The following RPS6KA5 variants were observed in gnomAD, a reference collection of about 807,000 sequenced individuals.
RPS6KA5 encodes ribosomal protein S6 kinase A5.
In RPS6KA5, 27 loss-of-function variants were observed where a neutral mutation model predicts 85.5. The ratio of observed to expected loss-of-function variants is 0.32; its 90% CI spans 0.23 to 0.44. The LOEUF is 0.44. Among genes scored for constraint, RPS6KA5 ranks in the 20% least tolerant of loss-of-function variants. The pLI is 1.00. For synonymous variants in RPS6KA5, 334 were observed against 348.2 expected (o/e 0.96, Z 0.46); for missense variants, 811 against 980.9 (o/e 0.83, Z 2.31).
At position 91,003,899 on chromosome 14, in the gene RPS6KA5, G is replaced by T. The variant is rs571488327; in HGVS notation, c.104-2740C>A. Among the ~76,000 whole-genome samples, 3 of 152,246 alleles carry T rather than the reference G, an allele frequency of 2.0e-5. No individual in the cohort carries two copies. The South Asian group carries it at 6.2e-4, about 32-fold the overall frequency. On this transcript the variant is annotated intron_variant, in intron 1 of 16. Coordinates refer to ENST00000614987, the MANE Select transcript of RPS6KA5 (RefSeq NM_004755.4). The stretch of plus-strand genomic sequence containing the variant: ...CTTGGAATTTTCTTGCTTAAGAATG[G>T]CAAGATTCCAGTAAACAATCTTAAA...
At chr14:91,040,382 T>C (rs956014458) in intron 1 of RPS6KA5, among the ~76,000 whole-genome samples, 5 of 152,162 alleles carry the variant, frequency 3.3e-5, no homozygotes, top group African/African-American at 1.2e-4. Context: ...CACTCCAGCC[T>C]GGGCAACAAG....
chr14:90,993,365 A>C (rs773229752), intron 2 of RPS6KA5, among the ~76,000 whole-genome samples: 1 of 152,162 alleles, frequency 6.6e-6, no homozygotes, highest in Non-Finnish European at 1.5e-5. Context: ...ACTTGAACCC[A>C]GGAGGCGGAG....
intron 8 of RPS6KA5, 54 bp downstream of exon 8, chr14:90,906,095 G>A (rs1219257683): frequency 6.7e-7 from 1 of 1,490,518 alleles, no homozygotes; most frequent in Non-Finnish European, 9.1e-7. Context: ...AGAACGCCAA[G>A]GACCCTGAAA....
intron 5 of RPS6KA5, among the ~76,000 whole-genome samples, chr14:90,924,006 A>G (rs1713880581): frequency 6.6e-6 from 1 of 152,138 alleles, no homozygotes; most frequent in African/African-American, 2.4e-5. Flanking sequence ...ACCTTTTCCA[A>G]GTAATTTTTG....
intron 1 of RPS6KA5, among the ~76,000 whole-genome samples, chr14:91,038,065 T>C (rs2042470457): frequency 1.3e-5 from 2 of 152,182 alleles, no homozygotes; most frequent in African/African-American, 4.8e-5. Flanking sequence ...AAGAAATCCA[T>C]CTCTATGTGA....
chr14:91,038,611 C>A (rs2042488018), intron 1 of RPS6KA5, among the ~76,000 whole-genome samples: 1 of 152,200 alleles, frequency 6.6e-6, no homozygotes, highest in African/African-American at 2.4e-5. Context: ...GAAGGAGCCG[C>A]AGACCTGGCT....
intron 3 of RPS6KA5, among the ~76,000 whole-genome samples, chr14:90,977,257 A>G (rs554420838): frequency 6.6e-6 from 1 of 152,360 alleles, no homozygotes; most frequent in South Asian, 2.1e-4. Context: ...AGAGAGTTAT[A>G]TCACATACAT....
At chr14:90,910,793 C>G (rs2035777668) in intron 7 of RPS6KA5, among the ~76,000 whole-genome samples, 1 of 152,006 alleles carries the variant, frequency 6.6e-6, no homozygotes, top group East Asian at 1.9e-4. Context: ...TCACGCCATC[C>G]TCCTGCCTCA....
chr14:91,017,349 C>A lies in RPS6KA5; in HGVS notation c.104-16190G>T, dbSNP rs1177566288. ...GCACACAATATTTCTGTCACAACTA[C>A]CATCCATGGTATTACAAAAAGCCTT... On this transcript the variant is annotated intron_variant, in intron 1 of 16. Transcript: ENST00000614987. Among the ~76,000 whole-genome samples, 7 of 152,294 alleles carry A rather than the reference C, an allele frequency of 4.6e-5. No homozygotes were observed. In the East Asian group the frequency reaches 1.3e-3, roughly 29 times the overall value.
At chr14:90,995,819 C>T (rs1441472907) in intron 2 of RPS6KA5, among the ~76,000 whole-genome samples, 1 of 152,128 alleles carries the variant, frequency 6.6e-6, no homozygotes, top group South Asian at 2.1e-4. Flanking sequence ...GTGACTCATG[C>T]CTGTAATCCC....
intron 2 of RPS6KA5, among the ~76,000 whole-genome samples, chr14:90,995,220 G>A (rs796596044): frequency 1.4e-4 from 21 of 151,692 alleles, no homozygotes; most frequent in African/African-American, 5.1e-4. Flanking sequence ...GAGATGGGGT[G>A]TTCCCATGCT....
intron 5 of RPS6KA5, among the ~76,000 whole-genome samples, chr14:90,940,532 T>C (rs999045321): frequency 6.6e-6 from 1 of 152,234 alleles, no homozygotes; most frequent in African/African-American, 2.4e-5. Context: ...TGTTTAGTTT[T>C]GAGTCCTAAC....
intron 2 of RPS6KA5, among the ~76,000 whole-genome samples, chr14:91,000,236 T>G (rs1437115853): frequency 1.3e-5 from 2 of 152,244 alleles, no homozygotes; most frequent in Non-Finnish European, 2.9e-5. Flanking sequence ...TTTTAAAAAC[T>G]TATTTTGGAG....
intron 1 of RPS6KA5, among the ~76,000 whole-genome samples, chr14:91,058,286 A>C (rs2043406066): frequency 6.6e-6 from 1 of 152,242 alleles, no homozygotes. Flanking sequence ...TAATCTCACC[A>C]TCCATCAGAA....
intron 14 of RPS6KA5, among the ~76,000 whole-genome samples, chr14:90,885,194 A>G (rs1019487438): frequency 6.6e-6 from 1 of 150,698 alleles, no homozygotes; most frequent in African/African-American, 2.4e-5. Context: ...TCGAGGCTGC[A>G]GTGAGCCATG....
At chr14:91,044,307 GAGAGAGAGAGAA>G (rs1341738609) in intron 1 of RPS6KA5, among the ~76,000 whole-genome samples, 7,211 of 140,552 alleles carry the variant, frequency 0.051, 276 homozygotes, top group East Asian at 0.14. Flanking sequence ...GAGAGAGAAA[GAGAGAGAGAGAA>G]AGAGAGAGAG....
chr14:91,022,759 T>C (rs2041835086), intron 1 of RPS6KA5, among the ~76,000 whole-genome samples: 1 of 152,222 alleles, frequency 6.6e-6, no homozygotes, highest in Non-Finnish European at 1.5e-5. Flanking sequence ...CATACTTATG[T>C]AATTACAAAT....
At chr14:90,989,180 C>T (rs2040196421) in intron 2 of RPS6KA5, among the ~76,000 whole-genome samples, 3 of 152,070 alleles carry the variant, frequency 2.0e-5, no homozygotes, top group Admixed American at 2.0e-4. Flanking sequence ...TCCATTATCT[C>T]ATTAAACTTA....
intron 1 of RPS6KA5, among the ~76,000 whole-genome samples, chr14:91,038,151 G>A (rs2042472631): frequency 6.6e-6 from 1 of 152,088 alleles, no homozygotes; most frequent in Admixed American, 6.5e-5. Context: ...AGAGGACTCA[G>A]GAAAATTAAG....
Sources: gnomAD v4.1 joint callset for allele counts (sites outside exome capture counted in the v4.1 genomes callset) on GRCh38, gnomAD v4.1.1 for gene constraint, MANE v1.5 for transcripts, NCBI Gene and HGNC (gene_info 2026-07-23, HGNC 2026-07-21) for gene names.